ARHGAP24: variants seen among roughly 807,000 people sequenced by gnomAD.
The protein encoded by ARHGAP24 is rho GTPase-activating protein 24.
Under a neutral mutation model 76.4 loss-of-function variants are expected in ARHGAP24, and 50 were observed. The ratio of observed to expected loss-of-function variants is 0.65; its 90% confidence interval spans 0.52 to 0.83. The LOEUF (loss-of-function observed/expected upper bound fraction) is 0.83. Among genes scored for constraint, ARHGAP24 ranks in the 40% least tolerant of loss-of-function variants. ARHGAP24 has a pLI of 0.00. For synonymous variants in ARHGAP24, 345 were observed against 323.3 expected, an observed-to-expected ratio of 1.07 and a Z score of -0.72; for missense variants, 930 against 914.2, an observed-to-expected ratio of 1.02 and a Z score of -0.22.
intron 3 of ARHGAP24, among the ~76,000 whole-genome samples, chr4:85,911,943 T>C (rs1233670138): frequency 6.6e-6 from 1 of 152,228 alleles, no homozygotes; most frequent in Non-Finnish European, 1.5e-5. Context: ...GAATAACTTG[T>C]GGCCTTCTGG....
chr4:85,827,020 A>T (rs1729744276), intron 3 of ARHGAP24, among the ~76,000 whole-genome samples: 1 of 152,230 alleles, frequency 6.6e-6, no homozygotes, highest in African/African-American at 2.4e-5. Context: ...CTTAGACTCT[A>T]CAGGGAAATA....
At chr4:85,605,172 T>C (rs575554690) in intron 2 of ARHGAP24, among the ~76,000 whole-genome samples, 2 of 152,344 alleles carry the variant, frequency 1.3e-5, no homozygotes, top group East Asian at 3.9e-4. Context: ...TTTTTATGTT[T>C]TCTGTAATGA....
intron 5 of ARHGAP24, among the ~76,000 whole-genome samples, chr4:85,969,119 G>A (rs1015071132): frequency 6.6e-6 from 1 of 151,960 alleles, no homozygotes; most frequent in African/African-American, 2.4e-5. Context: ...ATGATTCTGC[G>A]GCCCTTCATC....
chr4:85,560,089 A>C (rs982573580), intron 1 of ARHGAP24, among the ~76,000 whole-genome samples: 2 of 152,166 alleles, frequency 1.3e-5, no homozygotes, highest in African/African-American at 4.8e-5. Flanking sequence ...CTTCACAAGC[A>C]GCAGTTCTTT....
At chr4:85,619,157 G>A (rs895914678) in intron 2 of ARHGAP24, among the ~76,000 whole-genome samples, 1 of 151,958 alleles carries the variant, frequency 6.6e-6, no homozygotes, top group African/African-American at 2.4e-5. Context: ...TGTAAGATGC[G>A]AGTATAATTA....
intron 1 of ARHGAP24, among the ~76,000 whole-genome samples, chr4:85,554,709 T>C (rs1210486735): frequency 2.0e-5 from 3 of 152,166 alleles, no homozygotes; most frequent in African/African-American, 7.2e-5. Flanking sequence ...TCACCCAGGC[T>C]GGAGTGTTTG....
chr4:85,482,699 T>G lies in ARHGAP24; in HGVS notation c.-21+7140T>G, dbSNP rs150604057. 2.9e-3 allele frequency among the ~76,000 whole-genome samples: 446 copies of G among 152,360 alleles called. 2 individuals are homozygous for G. Among genetic ancestry groups the G allele is most frequent in the South Asian group, 0.028 (136 of 4,828 alleles). On this transcript the variant is annotated intron_variant, in intron 1 of 9. Transcript: ENST00000395184. The stretch of plus-strand genomic sequence containing the variant: ...TAAGAATGCCATTCCTATGTAAGAA[T>G]AGATAACAATGATTGAAGCCTTACT...
At chr4:85,968,061 G>A (rs1738736955) in intron 5 of ARHGAP24, among the ~76,000 whole-genome samples, 1 of 152,072 alleles carries the variant, frequency 6.6e-6, no homozygotes, top group Admixed American at 6.6e-5. Flanking sequence ...TCCTAGTTAG[G>A]TTTTCACTTT....
intron 1 of ARHGAP24, among the ~76,000 whole-genome samples, chr4:85,486,899 T>C (rs748514189): frequency 6.6e-6 from 1 of 151,968 alleles, no homozygotes; most frequent in Non-Finnish European, 1.5e-5. Flanking sequence ...CTATCGCTCC[T>C]CCTGAACTTG....
At chr4:85,719,175 G>A (rs990791858) in intron 2 of ARHGAP24, among the ~76,000 whole-genome samples, 5 of 152,142 alleles carry the variant, frequency 3.3e-5, no homozygotes, top group East Asian at 1.9e-4. Flanking sequence ...TAGATTAAAT[G>A]TATGTAATAA....
At chr4:85,856,936 T>G (rs546092278) in intron 3 of ARHGAP24, among the ~76,000 whole-genome samples, 2 of 152,154 alleles carry the variant, frequency 1.3e-5, no homozygotes, top group Non-Finnish European at 2.9e-5. Context: ...GGCAACTGAC[T>G]TTTTTTTAAT....
chr4:85,625,071 T>G (rs1254577047), intron 2 of ARHGAP24, among the ~76,000 whole-genome samples: 1 of 152,212 alleles, frequency 6.6e-6, no homozygotes, highest in Non-Finnish European at 1.5e-5. Context: ...TCCTATTTCC[T>G]TCAGTTCTGC....
At chr4:85,584,693 T>G (rs1376455698) in intron 2 of ARHGAP24, among the ~76,000 whole-genome samples, 1 of 151,782 alleles carries the variant, frequency 6.6e-6, no homozygotes, top group African/African-American at 2.4e-5. Context: ...AAGGAAAAAA[T>G]AAATATTCTG....
At chr4:85,800,553 G>A (rs1241224368) in intron 3 of ARHGAP24, among the ~76,000 whole-genome samples, 1 of 151,894 alleles carries the variant, frequency 6.6e-6, no homozygotes, top group Non-Finnish European at 1.5e-5. Flanking sequence ...GAAGGAAGAG[G>A]AAGAAGAAAA....
chr4:85,856,380 T>C (rs561925624), intron 3 of ARHGAP24, among the ~76,000 whole-genome samples: 1 of 152,152 alleles, frequency 6.6e-6, no homozygotes, highest in African/African-American at 2.4e-5. Context: ...ATTTTTAGTT[T>C]TTTAGTTTTG....
intron 3 of ARHGAP24, among the ~76,000 whole-genome samples, chr4:85,724,484 CAT>C (rs1491557873): frequency 7.0e-4 from 56 of 79,848 alleles, no homozygotes; most frequent in Non-Finnish European, 8.0e-4. Flanking sequence ...ATAATTTTTC[CAT>C]GTGTGTATAT....
At chr4:85,552,924 A>C (rs1056171454) in intron 1 of ARHGAP24, among the ~76,000 whole-genome samples, 1 of 151,944 alleles carries the variant, frequency 6.6e-6, no homozygotes, top group African/African-American at 2.4e-5. Flanking sequence ...CTTCTGGTGC[A>C]TTCTTGGTCT....
rs111410344 is a variant in ARHGAP24, at chr4:85,755,626, G to GTTTTTTTTTTTTTTTT, written c.268+33658_268+33659insTTTTTTTTTTTTTTTT. ...TTCTATGGGAAGCTTCTATTCTTTT[G>GTTTTTTTTTTTTTTTT]TTTTGTTTTGTTTTGTTTTGTTTTG... On this transcript the variant is annotated intron_variant, in intron 3 of 9. Coordinates refer to ENST00000395184, the MANE Select transcript of ARHGAP24 (RefSeq NM_001025616.3). Among the ~76,000 whole-genome samples, 18 of 117,392 alleles carry GTTTTTTTTTTTTTTTT rather than the reference G, an allele frequency of 1.5e-4. 5 individuals carry two copies. The highest frequency in any genetic ancestry group is 1.2e-4 in the African/African-American group (4 of 34,510). 77.0% of individuals were successfully genotyped at this position (117,392 alleles called of 152,430 possible).
intron 1 of ARHGAP24, among the ~76,000 whole-genome samples, chr4:85,504,478 C>G (rs1375297715): frequency 6.6e-6 from 1 of 152,148 alleles, no homozygotes; most frequent in Non-Finnish European, 1.5e-5. Context: ...ATGTAATGGC[C>G]TTCTTTGTCT....
Sources: gnomAD v4.1 joint callset for allele counts (sites outside exome capture counted in the v4.1 genomes callset) on GRCh38, gnomAD v4.1.1 for gene constraint, MANE v1.5 for transcripts, NCBI Gene and HGNC (gene_info 2026-07-23, HGNC 2026-07-21) for gene names.